Variants in EPS15 observed in about 807,000 individuals in gnomAD.
EPS15 encodes the protein epidermal growth factor receptor pathway substrate 15.
Under a neutral mutation model 113.8 loss-of-function variants are expected in EPS15, and 72 were observed. The observed-to-expected ratio is 0.63, with a 90% CI of 0.52 to 0.77. The LOEUF is 0.77. EPS15 is among the 30% of genes least tolerant of loss of function. EPS15 has a pLI of 0.00. For missense variants in EPS15, 1,048 were observed against 1,045.8 expected (o/e 1.00, Z -0.03); for synonymous variants, 344 against 363.4 (o/e 0.95, Z 0.61).
At chr1:51,403,341 A>T in intron 17 of EPS15, 78 bp downstream of exon 17, 4 of 742,432 alleles carry the variant, frequency 5.4e-6, no homozygotes, top group East Asian at 5.1e-5. Context: ...GTACCCATTA[A>T]GTAATGTCTG....
chr1:51,392,180 C>T (rs1035679531), intron 21 of EPS15, among the ~76,000 whole-genome samples: 3 of 152,172 alleles, frequency 2.0e-5, no homozygotes, highest in African/African-American at 7.2e-5. Context: ...AACCAGAGAC[C>T]TCATTTGAAT....
At chr1:51,419,875 A>T (rs925843156) in intron 13 of EPS15, among the ~76,000 whole-genome samples, 3 of 152,128 alleles carry the variant, frequency 2.0e-5, no homozygotes. Context: ...GATCACTAAT[A>T]TAAGAGTTTT....
At chr1:51,495,725 A>C (rs1225547930) in intron 1 of EPS15, among the ~76,000 whole-genome samples, 1 of 152,140 alleles carries the variant, frequency 6.6e-6, no homozygotes, top group Non-Finnish European at 1.5e-5. Context: ...CAATAATGAC[A>C]GTAATAACTT....
At chr1:51,477,938 G>T (rs1643941965) in intron 2 of EPS15, among the ~76,000 whole-genome samples, 1 of 152,168 alleles carries the variant, frequency 6.6e-6, no homozygotes, top group South Asian at 2.1e-4. Context: ...CTGTTGATTT[G>T]GGGTGGAGAG....
chr1:51,388,970 A>G (rs1352025519), intron 21 of EPS15, among the ~76,000 whole-genome samples: 1 of 152,242 alleles, frequency 6.6e-6, no homozygotes, highest in Non-Finnish European at 1.5e-5. Context: ...TCATTTTATG[A>G]GGCCAGCATC....
chr1:51,508,758 G>A (rs139372418), intron 1 of EPS15, among the ~76,000 whole-genome samples: 47 of 152,094 alleles, frequency 3.1e-4, no homozygotes, highest in African/African-American at 1.1e-3. Flanking sequence ...TATGGTCAAA[G>A]TTAAAAATTC....
At chr1:51,475,413 A>C (rs1355926593) in intron 2 of EPS15, among the ~76,000 whole-genome samples, 1 of 152,024 alleles carries the variant, frequency 6.6e-6, no homozygotes, top group Non-Finnish European at 1.5e-5. Flanking sequence ...TTTTATTTGC[A>C]TTTCTCTGAT....
At chr1:51,437,037 T>A (rs1322922747) in intron 12 of EPS15, among the ~76,000 whole-genome samples, 2 of 152,190 alleles carry the variant, frequency 1.3e-5, no homozygotes, top group Non-Finnish European at 2.9e-5. Context: ...TTAATCTAAT[T>A]GGCATAATTA....
intron 13 of EPS15, among the ~76,000 whole-genome samples, chr1:51,414,535 A>AG (rs1403634322): frequency 1.3e-5 from 2 of 152,194 alleles, no homozygotes; most frequent in African/African-American, 2.4e-5. Context: ...TAAATCCTAG[A>AG]GGGAAAAAAG....
In EPS15 at chr1:51,396,337, T is replaced by A. The variant is rs941695030; in HGVS notation, c.2053-1890A>T. Among the ~76,000 whole-genome samples, 31 of 152,154 alleles carry A rather than the reference T, an allele frequency of 2.0e-4. 1 individual carries two copies. Among genetic ancestry groups the A allele is most frequent in the Non-Finnish European group, 7.3e-5 (5 of 68,028 alleles). On this transcript the variant is annotated intron_variant, in intron 20 of 24. Transcript: ENST00000371733. Reference sequence around the variant, plus strand: ...TATCTGAAATGCTTGGGACAAAAAGTATTTTGGATGTTGGGTTTTTTTTCA... The same window carrying A: ...TATCTGAAATGCTTGGGACAAAAAGAATTTTGGATGTTGGGTTTTTTTTCA...
intron 21 of EPS15, among the ~76,000 whole-genome samples, chr1:51,385,819 T>C (rs1031055748): frequency 1.3e-5 from 2 of 152,194 alleles, no homozygotes; most frequent in African/African-American, 4.8e-5. Context: ...GAATTTTTTT[T>C]ATGATTCCAC....
chr1:51,499,126 A>G (rs1439653878), intron 1 of EPS15, among the ~76,000 whole-genome samples: 1 of 152,224 alleles, frequency 6.6e-6, no homozygotes, highest in African/African-American at 2.4e-5. Context: ...CCTTGATCCT[A>G]GACTTCCTGG....
intron 2 of EPS15, among the ~76,000 whole-genome samples, chr1:51,478,034 G>A (rs1417001714): frequency 6.6e-6 from 1 of 152,120 alleles, no homozygotes; most frequent in Non-Finnish European, 1.5e-5. Context: ...TCACTGATCT[G>A]ACTAATGTTG....
intron 13 of EPS15, among the ~76,000 whole-genome samples, chr1:51,410,979 T>C (rs1342956810): frequency 6.6e-6 from 1 of 152,190 alleles, no homozygotes; most frequent in Non-Finnish European, 1.5e-5. Flanking sequence ...AAAACTGAAG[T>C]ACTGATGTGT....
chr1:51,431,018 ACACACACAC>A (rs1557462603), intron 12 of EPS15, among the ~76,000 whole-genome samples: 85 of 136,130 alleles, frequency 6.2e-4, no homozygotes, highest in African/African-American at 2.3e-3. Flanking sequence ...ACACACACAC[ACACACACAC>A]AAAAATAAAA....
intron 13 of EPS15, among the ~76,000 whole-genome samples, chr1:51,421,460 T>C (rs1026211101): frequency 2.0e-5 from 3 of 152,114 alleles, no homozygotes; most frequent in African/African-American, 4.8e-5. Flanking sequence ...CTCACTCTAA[T>C]TTTACTGGTG....
intron 2 of EPS15, among the ~76,000 whole-genome samples, chr1:51,480,621 C>T (rs1644003786): frequency 6.6e-6 from 1 of 152,198 alleles, no homozygotes; most frequent in South Asian, 2.1e-4. Flanking sequence ...TCAAGTGATT[C>T]TCCTGCCTTA....
At chr1:51,363,297 C>CAAAA (rs34317809) in intron 23 of EPS15, among the ~76,000 whole-genome samples, 1,621 of 76,696 alleles carry the variant, frequency 0.021, 15 homozygotes, top group Middle Eastern at 0.055. Flanking sequence ...GATTCCATCT[C>CAAAA]AAAAAAAAAA....
At chr1:51,388,361 C>G (rs375379691) in intron 21 of EPS15, among the ~76,000 whole-genome samples, 3 of 152,010 alleles carry the variant, frequency 2.0e-5, no homozygotes, top group East Asian at 1.9e-4. Flanking sequence ...GCCCACAAGA[C>G]AAAGCAGGAA....
Sources: allele counts gnomAD v4.1 joint callset (sites outside exome capture counted in the v4.1 genomes callset), GRCh38; gene constraint gnomAD v4.1.1; transcripts MANE v1.5; gene names NCBI Gene and HGNC (gene_info 2026-07-23, HGNC 2026-07-21).